PLIN3: variants seen among roughly 807,000 people sequenced by gnomAD.
The protein encoded by PLIN3 is perilipin-3.
In PLIN3, 30 loss-of-function variants were observed where a neutral mutation model predicts 35.9. That is an observed-to-expected ratio of 0.84 (90% CI 0.62 to 1.13). The LOEUF (loss-of-function observed/expected upper bound fraction) is 1.13, where lower values mean the gene tolerates loss of function less well. Among genes scored for constraint, PLIN3 ranks in the 50% most tolerant of loss-of-function variants. PLIN3 has a pLI of 0.00. For missense variants in PLIN3, 603 were observed against 596.9 expected (o/e 1.01, Z -0.11); for synonymous variants, 261 against 262.5 (o/e 0.99, Z 0.06).
chr19:4,867,402 G>A (rs892083834), intron 1 of PLIN3, among the ~76,000 whole-genome samples: 3 of 152,196 alleles, frequency 2.0e-5, no homozygotes, highest in Admixed American at 6.6e-5. Context: ...AGTGAGAAGA[G>A]GGTTTCAAAG....
At chr19:4,855,184 A>G (rs1299970777) in intron 4 of PLIN3, among the ~76,000 whole-genome samples, 1 of 133,888 alleles carries the variant, frequency 7.5e-6, no homozygotes, top group Non-Finnish European at 1.5e-5. Context: ...CAGGAGGCAG[A>G]GGTTGCAGTG....
At chr19:4,862,790 C>G (rs2030717467) in intron 1 of PLIN3, among the ~76,000 whole-genome samples, 1 of 152,200 alleles carries the variant, frequency 6.6e-6, no homozygotes, top group Non-Finnish European at 1.5e-5. Context: ...TCCACATGAG[C>G]AGAGCTGTGT....
chr19:4,852,258 C>T lies in PLIN3; in HGVS notation c.392G>A (p.Gly131Glu). 1.2e-6 allele frequency: 2 copies of T among 1,606,750 alleles called. No homozygotes were observed. The highest frequency in any genetic ancestry group is 1.7e-6 in the Non-Finnish European group (2 of 1,179,988). The stretch of plus-strand genomic sequence containing the variant: ...GGCGCTAGACACCATCTCTTGGGCC[C>T]CCGACACCTTAGACGACACAAGCTC... ...TKELVSSKVS[G>E]AQEMVSSAKD... is the part of the protein sequence containing the mutation. The change falls in exon 5 of 8, where the codon GGG (glycine) becomes GAG (glutamate). Residue 131 changes from glycine to glutamate, a missense_variant. Transcript: ENST00000221957.
rs370203080 is a variant in PLIN3 at position 4,844,775 on chromosome 19, C to T, written c.853G>A (p.Gly285Ser). ...CCTTCCACCAGCTTCTGATCAACGCCTTGCTTGACAGTTTCCATCTGGGGC... is the reference window on the plus strand; with the variant it reads ...CCTTCCACCAGCTTCTGATCAACGCTTTGCTTGACAGTTTCCATCTGGGGC... Reference protein sequence around the residue: ...VLSLMETVKQGVDQKLVEGQE... With the variant: ...VLSLMETVKQSVDQKLVEGQE... The change falls in exon 7 of 8, where the codon GGC becomes AGC. Residue 285 changes from glycine (G) to serine (S), a missense_variant. Gly to Ser is a moderately conservative substitution (Grantham distance 56). Coordinates refer to ENST00000221957, the MANE Select transcript of PLIN3 (RefSeq NM_005817.5). The T allele has an allele frequency of 8.7e-6, 14 of 1,600,862 alleles. No homozygotes were observed. The African/African-American group carries it at 1.6e-4, about 18-fold the overall frequency.
At chr19:4,865,463 C>T (rs1466094288) in intron 1 of PLIN3, among the ~76,000 whole-genome samples, 13 of 149,018 alleles carry the variant, frequency 8.7e-5, no homozygotes, top group Non-Finnish European at 1.6e-4. Flanking sequence ...CACTCCAGCC[C>T]GGGTGACAGA....
At chr19:4,853,825 A>G (rs1445320934) in intron 4 of PLIN3, among the ~76,000 whole-genome samples, 3 of 151,924 alleles carry the variant, frequency 2.0e-5, no homozygotes, top group Non-Finnish European at 4.4e-5. Flanking sequence ...AAAAAAAACA[A>G]AAACAAACAA....
intron 6 of PLIN3, 35 bp from the exon 7 acceptor site, chr19:4,844,828 C>A: frequency 6.4e-7 from 1 of 1,563,548 alleles, no homozygotes; most frequent in Admixed American, 2.0e-5. Flanking sequence ...GGGAAGGAGG[C>A]TCCCCTGGGA....
chr19:4,846,380 T>G (rs1294839023), intron 6 of PLIN3, among the ~76,000 whole-genome samples: 1 of 149,294 alleles, frequency 6.7e-6, no homozygotes, highest in Non-Finnish European at 1.5e-5. Flanking sequence ...TGGGCTCCAA[T>G]CCATAAAGGG....
intron 6 of PLIN3, 77 bp downstream of exon 6, chr19:4,847,614 A>T: frequency 1.6e-6 from 2 of 1,247,352 alleles, no homozygotes; most frequent in Non-Finnish European, 2.3e-6. Context: ...GTGAGCAATA[A>T]GCCACTGAGC....
intron 6 of PLIN3, among the ~76,000 whole-genome samples, chr19:4,847,123 C>T (rs577798461): frequency 6.6e-6 from 1 of 151,406 alleles, no homozygotes; most frequent in Non-Finnish European, 1.5e-5. Flanking sequence ...CTCCTGACCT[C>T]GTGATCCACC....
intron 1 of PLIN3, among the ~76,000 whole-genome samples, chr19:4,866,217 C>T (rs568277604): frequency 6.6e-6 from 1 of 151,986 alleles, no homozygotes; most frequent in Admixed American, 6.6e-5. Context: ...GGGGTTTCAC[C>T]ATGTTGGCCA....
rs371151678 is a variant in PLIN3 at position 4,839,296 on chromosome 19, G to A, written c.1201C>T (p.Leu401=). 8.1e-6 allele frequency: 13 copies of A among 1,614,090 alleles called. No homozygotes were observed. Among genetic ancestry groups the A allele is most frequent in the African/African-American group, 2.7e-5 (2 of 75,042 alleles). The change falls in exon 8 of 8, where the codon CTG becomes TTG. Residue 401 remains leucine (L), a synonymous_variant. Coordinates refer to ENST00000221957, the MANE Select transcript of PLIN3 (RefSeq NM_005817.5). The part of the protein sequence containing the change: ...RERVASAREA[L]DHMVEYVAQN... ...GCCACATATTCCACCATGTGGTCCA[G>A]GGCCTCGCGGGCGCTGGCGACACGC...
intron 1 of PLIN3, among the ~76,000 whole-genome samples, chr19:4,861,848 T>C (rs1384605555): frequency 6.6e-6 from 1 of 151,972 alleles, no homozygotes; most frequent in Non-Finnish European, 1.5e-5. Flanking sequence ...TTGGCCTGGC[T>C]AGTCTTGAAC....
At chr19:4,861,841 G>T (rs570742796) in intron 1 of PLIN3, among the ~76,000 whole-genome samples, 1 of 150,878 alleles carries the variant, frequency 6.6e-6, no homozygotes, top group South Asian at 2.1e-4. Context: ...CACCATATTG[G>T]CCTGGCTAGT....
chr19:4,863,306 T>C (rs8106787), intron 1 of PLIN3, among the ~76,000 whole-genome samples: 16,004 of 151,616 alleles, frequency 0.11, 1,059 homozygotes, highest in East Asian at 0.3. Context: ...GAGACCAGCC[T>C]GACCAACATG....
intron 1 of PLIN3, chr19:4,866,816 T>G (rs975101288): frequency 1.3e-5 from 2 of 152,290 alleles, no homozygotes; most frequent in Admixed American, 6.6e-5. Flanking sequence ...TGGAACTGGT[T>G]TAAGCAAGGG....
chr19:4,859,408 C>G (rs1045149887), intron 4 of PLIN3, among the ~76,000 whole-genome samples, 182 bp downstream of exon 4: 5 of 152,110 alleles, frequency 3.3e-5, no homozygotes, highest in Non-Finnish European at 7.4e-5. Context: ...TGTAATCTGG[C>G]TGGCTTTGCA....
At chr19:4,857,788 C>T (rs932752192) in intron 4 of PLIN3, among the ~76,000 whole-genome samples, 2 of 151,584 alleles carry the variant, frequency 1.3e-5, no homozygotes, top group Non-Finnish European at 2.9e-5. Context: ...CCAGCCTGAC[C>T]AACATGGTAA....
At chr19:4,847,207 T>G (rs1464265186) in intron 6 of PLIN3, among the ~76,000 whole-genome samples, 2 of 125,162 alleles carry the variant, frequency 1.6e-5, no homozygotes, top group African/African-American at 6.0e-5. Context: ...TTTTTTTTTT[T>G]GAGATGGGGT....
Sources: gnomAD v4.1 joint callset for allele counts (sites outside exome capture counted in the v4.1 genomes callset) on GRCh38, gnomAD v4.1.1 for gene constraint, MANE v1.5 for transcripts, NCBI Gene and HGNC (gene_info 2026-07-23, HGNC 2026-07-21) for gene names.